AGBL1: variants seen among roughly 807,000 people sequenced by gnomAD.
The protein encoded by AGBL1 is cytosolic carboxypeptidase 4.
In AGBL1, 130 loss-of-function variants were observed where a neutral mutation model predicts 118.9. That is an observed-to-expected ratio of 1.09 (90% CI 0.95 to 1.26). The LOEUF is 1.26. Among genes scored for constraint, AGBL1 ranks in the 50% most tolerant of loss-of-function variants. AGBL1 has a pLI of 0.00. For missense variants in AGBL1, 1,584 were observed against 1,298.1 expected, an observed-to-expected ratio of 1.22 and a Z score of -3.38; for synonymous variants, 555 against 478.9, an observed-to-expected ratio of 1.16 and a Z score of -2.08.
chr15:86,424,813 A>C (rs1221990913), intron 18 of AGBL1, among the ~76,000 whole-genome samples: 2 of 152,250 alleles, frequency 1.3e-5, no homozygotes, highest in Non-Finnish European at 2.9e-5. Context: ...TGGTCATTAG[A>C]GAAATGCAAA....
In AGBL1 at chr15:86,576,581, A is replaced by C. The variant is rs137898997; in HGVS notation, c.2994+22044A>C. Reference sequence around the variant, plus strand: ...TACACATCCAGTTAGGTTACAGTTCACTATATACAAAGAGGTCTTTAGGCT... The same window carrying C: ...TACACATCCAGTTAGGTTACAGTTCCCTATATACAAAGAGGTCTTTAGGCT... On this transcript the variant is annotated intron_variant, in intron 21 of 22. Coordinates refer to ENST00000614907, the MANE Select transcript of AGBL1 (RefSeq NM_001386094.1). Among the ~76,000 whole-genome samples, 523 of 152,326 alleles carry C rather than the reference A, an allele frequency of 3.4e-3. 2 individuals carry two copies. The Middle Eastern group carries it at 0.037, about 11-fold the overall frequency.
At chr15:86,252,619 C>T (rs1345276526) in intron 7 of AGBL1, among the ~76,000 whole-genome samples, 2 of 152,168 alleles carry the variant, frequency 1.3e-5, no homozygotes, top group Non-Finnish European at 2.9e-5. Context: ...CTTGGTCTTG[C>T]TGACCAGAGA....
intron 17 of AGBL1, among the ~76,000 whole-genome samples, chr15:86,386,533 T>C (rs972332900): frequency 6.6e-6 from 1 of 151,502 alleles, no homozygotes; most frequent in Admixed American, 6.6e-5. Context: ...GTGGTACCCT[T>C]TTCCTCACAT....
chr15:86,406,446 C>T (rs1277594407), intron 18 of AGBL1, among the ~76,000 whole-genome samples: 3 of 152,100 alleles, frequency 2.0e-5, no homozygotes, highest in Non-Finnish European at 4.4e-5. Flanking sequence ...GGAAAAAATG[C>T]ACATCATTAT....
At chr15:86,837,743 G>A (rs968470504) in intron 22 of AGBL1, among the ~76,000 whole-genome samples, 1 of 152,186 alleles carries the variant, frequency 6.6e-6, no homozygotes, top group Non-Finnish European at 1.5e-5. Context: ...AATTAGAAGT[G>A]TATCCTCAAA....
intron 5 of AGBL1, among the ~76,000 whole-genome samples, chr15:86,175,067 C>G (rs1164749084): frequency 2.6e-5 from 4 of 151,820 alleles, no homozygotes; most frequent in African/African-American, 9.7e-5. Context: ...TGGAGTAATT[C>G]TAGAAAAATT....
At chr15:86,353,893 A>G (rs2080670105) in intron 17 of AGBL1, among the ~76,000 whole-genome samples, 1 of 152,240 alleles carries the variant, frequency 6.6e-6, no homozygotes, top group Non-Finnish European at 1.5e-5. Flanking sequence ...AAACTAGAGT[A>G]GTGGTGTGGT....
chr15:86,997,054 G>C (rs536025209), intron 24 of AGBL1, among the ~76,000 whole-genome samples: 1 of 149,578 alleles, frequency 6.7e-6, no homozygotes, highest in Admixed American at 6.6e-5. Flanking sequence ...AAAGAGACAT[G>C]AATAGCCTTT....
intron 18 of AGBL1, among the ~76,000 whole-genome samples, chr15:86,495,780 T>C (rs1320932659): frequency 2.6e-5 from 4 of 152,078 alleles, no homozygotes; most frequent in African/African-American, 9.6e-5. Context: ...CTCTGTTTGG[T>C]ATATAATTTT....
At chr15:86,897,099 C>A (rs2080140117) in intron 22 of AGBL1, among the ~76,000 whole-genome samples, 1 of 152,184 alleles carries the variant, frequency 6.6e-6, no homozygotes, top group Admixed American at 6.5e-5. Context: ...TCATTAGGGA[C>A]ACTGACTCCA....
chr15:86,973,714 T>A (rs2141707698), intron 23 of AGBL1, among the ~76,000 whole-genome samples: 1 of 151,844 alleles, frequency 6.6e-6, no homozygotes, highest in East Asian at 1.9e-4. Context: ...AGTGGTATGC[T>A]GTGGTGAAAG....
intron 18 of AGBL1, among the ~76,000 whole-genome samples, chr15:86,434,505 C>T (rs1241827523): frequency 6.6e-6 from 1 of 152,140 alleles, no homozygotes; most frequent in Non-Finnish European, 1.5e-5. Context: ...ATGGGATGCA[C>T]CCATTACTTA....
intron 1 of AGBL1, among the ~76,000 whole-genome samples, chr15:86,139,587 C>T (rs908696347): frequency 6.6e-6 from 1 of 151,262 alleles, no homozygotes; most frequent in South Asian, 2.1e-4. Flanking sequence ...GGTGGAAACT[C>T]GTCTCTTCTG....
At chr15:86,878,700 G>C (rs2079848890) in intron 22 of AGBL1, among the ~76,000 whole-genome samples, 1 of 151,806 alleles carries the variant, frequency 6.6e-6, no homozygotes, top group Non-Finnish European at 1.5e-5. Context: ...CTGTTTCTGA[G>C]AGTTTGTAGT....
intron 23 of AGBL1, among the ~76,000 whole-genome samples, chr15:86,979,558 G>A (rs572948317): frequency 5.3e-5 from 8 of 151,708 alleles, no homozygotes; most frequent in South Asian, 4.2e-4. Context: ...GCGCGATCTC[G>A]GCTCACTGCA....
intron 22 of AGBL1, among the ~76,000 whole-genome samples, chr15:86,790,531 C>T (rs972484291): frequency 3.3e-5 from 5 of 152,176 alleles, no homozygotes; most frequent in Admixed American, 1.3e-4. Flanking sequence ...GGCAAACTTG[C>T]TATTTGAACC....
chr15:86,280,683 A>T (rs1055710850), intron 16 of AGBL1, among the ~76,000 whole-genome samples: 7 of 152,218 alleles, frequency 4.6e-5, no homozygotes, highest in Admixed American at 3.9e-4. Flanking sequence ...TTTCATTTTA[A>T]GGCTGTGATA....
intron 17 of AGBL1, among the ~76,000 whole-genome samples, chr15:86,375,666 GAC>G (rs1462807463): frequency 6.6e-6 from 1 of 152,164 alleles, no homozygotes; most frequent in Admixed American, 6.5e-5. Flanking sequence ...CGGCTGTGCT[GAC>G]CACATGAGCA....
At chr15:86,328,272 A>G (rs963367407) in intron 17 of AGBL1, among the ~76,000 whole-genome samples, 1 of 152,216 alleles carries the variant, frequency 6.6e-6, no homozygotes, top group African/African-American at 2.4e-5. Flanking sequence ...TAACTTAACA[A>G]TTATAAATAA....
Sources: gnomAD v4.1 joint callset for allele counts (sites outside exome capture counted in the v4.1 genomes callset) on GRCh38, gnomAD v4.1.1 for gene constraint, MANE v1.5 for transcripts, NCBI Gene and HGNC (gene_info 2026-07-23, HGNC 2026-07-21) for gene names.